The following POC5 variants were observed in gnomAD, a reference collection of about 807,000 sequenced individuals.
The protein encoded by POC5 is POC5 centriolar protein, also known as centrosomal protein POC5.
Under a neutral mutation model 62.9 loss-of-function variants are expected in POC5, and 48 were observed. That is an observed-to-expected ratio of 0.76 (90% CI 0.61 to 0.97). The LOEUF (loss-of-function observed/expected upper bound fraction) is 0.97. Ranked by LOEUF, POC5 falls within the 50% of genes least tolerant of loss-of-function variation. The probability of loss-of-function intolerance (pLI) is 0.00; values close to 1 mark genes in which losing one functional copy is unlikely to be tolerated. For synonymous variants in POC5, 236 were observed against 228.2 expected (o/e 1.03, Z -0.31); for missense variants, 696 against 679.5 (o/e 1.02, Z -0.27).
In POC5 at chr5:75,702,775, G is replaced by T; in HGVS notation, c.343C>A (p.His115Asn). The change falls in exon 5 of 12, where the codon CAC (histidine) becomes AAC (asparagine). Residue 115 changes from histidine (H) to asparagine (N), a missense_variant. Physicochemically the swap from His to Asn is moderately conservative, Grantham distance 68 (BLOSUM62 1). Transcript: ENST00000428202. ...GAACTGAAAAAATCCATGACTGGGT[G>T]AGAAGGCTTCCTTGGCGATAACACT... ...SPVLSPRKPS[H>N]PVMDFFSSHL... 1 of 1,590,072 alleles carries T rather than the reference G, an allele frequency of 6.3e-7. No individual in the cohort carries two copies. Among genetic ancestry groups the T allele is most frequent in the Non-Finnish European group, 8.6e-7 (1 of 1,167,312 alleles).
intron 9 of POC5, 94 bp downstream of exon 9, chr5:75,688,918 T>G: frequency 8.3e-7 from 1 of 1,197,758 alleles, no homozygotes; most frequent in South Asian, 2.4e-5. Flanking sequence ...ACATACCTAC[T>G]GCAGATTATT....
chr5:75,699,881 A>G (rs1776790934), intron 5 of POC5, among the ~76,000 whole-genome samples: 1 of 150,992 alleles, frequency 6.6e-6, no homozygotes. Flanking sequence ...CTCAGGATAC[A>G]AAATCAATGT....
At position 75,690,579 on chromosome 5, in the gene POC5, T is replaced by C; in HGVS notation, c.796-17A>G. On this transcript the variant is annotated splice_polypyrimidine_tract_variant and intron_variant, in intron 7 of 11. Coordinates refer to ENST00000428202, the MANE Select transcript of POC5 (RefSeq NM_001099271.2). Reference sequence around the variant, plus strand: ...TTCATAAACCTAAATAAAAGTAAAATATAACTTCAAAAACACAGTTGATTG... The same window carrying C: ...TTCATAAACCTAAATAAAAGTAAAACATAACTTCAAAAACACAGTTGATTG... The C allele has an allele frequency of 6.6e-7, 1 of 1,522,760 alleles. No homozygotes were observed. Among genetic ancestry groups the C allele is most frequent in the Non-Finnish European group, 8.8e-7 (1 of 1,130,290 alleles). 94.3% of individuals were successfully genotyped at this position (1,522,760 alleles called of 1,614,324 possible).
Position 75,700,344 on chromosome 5 carries a change from C to G in POC5, c.513+2261G>C, listed in dbSNP as rs1372333839. ...TACTACAAGGCTACAGTAACCAAAA[C>G]AGCATGGTACTGGTACCAAAACAGA... is the stretch of plus-strand genomic sequence containing the variant. On this transcript the variant is annotated intron_variant, in intron 5 of 11. Coordinates refer to ENST00000428202, the MANE Select transcript of POC5 (RefSeq NM_001099271.2). Among the ~76,000 whole-genome samples, 1,140 of 151,410 alleles carry G rather than the reference C, an allele frequency of 7.5e-3. 16 individuals are homozygous for G. The highest frequency in any genetic ancestry group is 0.027 in the African/African-American group (1,097 of 41,338).
chr5:75,712,162 G>A (rs146096099), intron 2 of POC5: 10 of 232,988 alleles, frequency 4.3e-5, no homozygotes, highest in African/African-American at 2.1e-4. Flanking sequence ...TTCTCATATC[G>A]TACAGAATCA....
rs187601206 is a variant in POC5, at chr5:75,678,913, C to T, written c.1408-963G>A. 1.8e-3 allele frequency among the ~76,000 whole-genome samples: 267 copies of T among 152,212 alleles called. 4 individuals are homozygous for T. The South Asian group carries it at 0.022, about 13-fold the overall frequency. ...TTCCACTGTCAATCAATTACACAGC[C>T]GCCTGTTTAAGTCTGAGGTGAAATC... On this transcript the variant is annotated intron_variant, in intron 10 of 11. Transcript: ENST00000428202.
chr5:75,685,620 G>T, intron 9 of POC5, 136 bp from the exon 10 acceptor site: 1 of 858,304 alleles, frequency 1.2e-6, no homozygotes, highest in Non-Finnish European at 1.8e-6. Flanking sequence ...TAGATACAAT[G>T]TTCAGTTAAT....
At chr5:75,678,770 A>C (rs1305118321) in intron 10 of POC5, among the ~76,000 whole-genome samples, 1 of 152,174 alleles carries the variant, frequency 6.6e-6, no homozygotes, top group Non-Finnish European at 1.5e-5. Flanking sequence ...AATATATTGC[A>C]AACAATGGAA....
chr5:75,704,033 T>C (rs940364925), intron 4 of POC5, among the ~76,000 whole-genome samples: 1 of 151,648 alleles, frequency 6.6e-6, no homozygotes, highest in Non-Finnish European at 1.5e-5. Flanking sequence ...CACGTGCCTA[T>C]AGTCCCAGCT....
intron 6 of POC5, among the ~76,000 whole-genome samples, chr5:75,694,371 AATC>A (rs1776470917): frequency 6.6e-6 from 1 of 152,184 alleles, no homozygotes; most frequent in Non-Finnish European, 1.5e-5. Context: ...TAAATTGACA[AATC>A]ATAATAGTTT....
chr5:75,702,362 A>G (rs1371312722), intron 5 of POC5, among the ~76,000 whole-genome samples: 1 of 152,156 alleles, frequency 6.6e-6, no homozygotes, highest in Non-Finnish European at 1.5e-5. Context: ...AAAAAGAAAA[A>G]AAGAAGCACG....
At chr5:75,704,210 T>C (rs1777029156) in intron 4 of POC5, among the ~76,000 whole-genome samples, 1 of 151,746 alleles carries the variant, frequency 6.6e-6, no homozygotes, top group Non-Finnish European at 1.5e-5. Flanking sequence ...CACATATTTA[T>C]GCTGGAATTA....
intron 4 of POC5, among the ~76,000 whole-genome samples, chr5:75,703,233 A>C (rs752325891): frequency 6.6e-6 from 1 of 152,226 alleles, no homozygotes; most frequent in Admixed American, 6.5e-5. Context: ...TACTGATGAG[A>C]AACTGAGGTT....
Position 75,707,788 on chromosome 5 carries a change from A to G in POC5, c.172T>C (p.Leu58=). The part of the protein sequence containing the change: ...ASQSSHPKGE[L]VPDVRISTIH... ...GTAGAAATTCTGACATCTGGCACCA[A>G]TTCTCCCTTAGGATGAGATGACTGT... is the stretch of plus-strand genomic sequence containing the variant. The change falls in exon 3 of 12, where the codon TTG becomes CTG. Residue 58 remains leucine, a synonymous_variant. Transcript: ENST00000428202. The G allele has an allele frequency of 1.3e-6, 2 of 1,575,160 alleles. No homozygotes were observed. Among genetic ancestry groups the G allele is most frequent in the Non-Finnish European group, 1.7e-6 (2 of 1,156,722 alleles).
chr5:75,684,930 C>T (rs1016168409), intron 10 of POC5, among the ~76,000 whole-genome samples: 5 of 149,868 alleles, frequency 3.3e-5, no homozygotes, highest in Admixed American at 6.7e-5. Flanking sequence ...TGCAGTGGCG[C>T]GATCTCGGCT....
chr5:75,698,468 C>T lies in POC5; in HGVS notation c.514-3637G>A, dbSNP rs60572325. Among the ~76,000 whole-genome samples the T allele has an allele frequency of 6.8e-3, 1,033 of 152,122 alleles. 13 individuals carry two copies. Among genetic ancestry groups the T allele is most frequent in the African/African-American group, 0.024 (977 of 41,482 alleles). On this transcript the variant is annotated intron_variant, in intron 5 of 11. Coordinates refer to ENST00000428202, the MANE Select transcript of POC5 (RefSeq NM_001099271.2). ...TGAACAACCTGCTCCTGAATGACTA[C>T]TGGGTACATAATGAAATGAAGGCAG...
intron 8 of POC5, among the ~76,000 whole-genome samples, 169 bp downstream of exon 8, chr5:75,690,214 C>T (rs1776269231): frequency 6.6e-6 from 1 of 152,156 alleles, no homozygotes; most frequent in South Asian, 2.1e-4. Context: ...CTTATATCAA[C>T]CATGTAAGAA....
Position 75,702,622 on chromosome 5 carries a change from A to C in POC5, c.496T>G (p.Trp166Gly). ...LQKMENVLDLWSSGLKTNIIS... is the reference protein window; with the variant it reads ...LQKMENVLDLGSSGLKTNIIS... ...TACCGTACCTTAAGACCTGAACTCC[A>C]AAGATCAAGCACATTTTCCATCTTC... Residue 166 changes from tryptophan to glycine, a missense_variant, in exon 5 of 12, where the codon TGG (tryptophan) becomes GGG (glycine). Coordinates refer to ENST00000428202, the MANE Select transcript of POC5 (RefSeq NM_001099271.2). 1 of 1,613,286 alleles carries C rather than the reference A, an allele frequency of 6.2e-7. No individual in the cohort carries two copies. Among genetic ancestry groups the C allele is most frequent in the Non-Finnish European group, 8.5e-7 (1 of 1,179,580 alleles).
intron 5 of POC5, among the ~76,000 whole-genome samples, chr5:75,700,540 C>G (rs1309194640): frequency 6.7e-6 from 1 of 149,746 alleles, no homozygotes; most frequent in African/African-American, 2.4e-5. Flanking sequence ...AACTGGATCC[C>G]TTCCTTACAC....
Sources: gnomAD v4.1 joint callset for allele counts (sites outside exome capture counted in the v4.1 genomes callset) on GRCh38, gnomAD v4.1.1 for gene constraint, MANE v1.5 for transcripts, NCBI Gene and HGNC (gene_info 2026-07-23, HGNC 2026-07-21) for gene names.